The following CLIC5 variants were observed in gnomAD, a reference collection of about 807,000 sequenced individuals.
CLIC5 encodes CLIC family member 5, also known as chloride intracellular channel protein 5.
Under a neutral mutation model 24.7 loss-of-function variants are expected in CLIC5, and 20 were observed. The ratio of observed to expected loss-of-function variants is 0.81; its 90% CI spans 0.57 to 1.18. The LOEUF (loss-of-function observed/expected upper bound fraction) is 1.18, where lower values mean the gene tolerates loss of function less well. Among genes scored for constraint, CLIC5 ranks in the 50% most tolerant of loss-of-function variants. CLIC5 has a pLI of 0.00. For missense variants in CLIC5, 341 were observed against 326.1 expected (o/e 1.05, Z -0.35); for synonymous variants, 159 against 135.6 (o/e 1.17, Z -1.20).
At chr6:45,881,334 A>C in intron 6 of CLIC5, 1 of 393,048 alleles carries the variant, frequency 2.5e-6, no homozygotes, top group Non-Finnish European at 4.5e-6. Context: ...AACAGCATTC[A>C]TAAAGGTAAA....
chr6:45,983,030 A>G (rs956383198), intron 1 of CLIC5, among the ~76,000 whole-genome samples: 15 of 152,228 alleles, frequency 9.9e-5, no homozygotes, highest in Non-Finnish European at 2.1e-4. Flanking sequence ...TGAGCTGCAC[A>G]GGGAAAAGGC....
In CLIC5 at chr6:45,941,606, A is replaced by G; in HGVS notation, c.347T>C (p.Ile116Thr). 6.2e-7 allele frequency: 1 copy of G among 1,613,922 alleles called. No homozygotes were observed. The highest frequency in any genetic ancestry group is 2.2e-5 in the East Asian group (1 of 44,864). The change falls in exon 4 of 6, where the codon ATC becomes ACC. Residue 116 changes from isoleucine (I) to threonine (T), a missense_variant. Transcript: ENST00000339561. ...AKHRESNTAG[I>T]DIFSKFSAYI... ...GGCAGAAAACTTGGAAAAGATGTCG[A>G]TGCCCGCTGTGTTGGATTCCCGGTG...
At chr6:45,925,289 G>A (rs1232921718) in intron 4 of CLIC5, among the ~76,000 whole-genome samples, 1 of 150,542 alleles carries the variant, frequency 6.6e-6, no homozygotes, top group Admixed American at 6.6e-5. Context: ...CATAGGTATT[G>A]CCAACATGCC....
chr6:45,925,447 G>C (rs1228630339), intron 4 of CLIC5, among the ~76,000 whole-genome samples: 1 of 151,792 alleles, frequency 6.6e-6, no homozygotes, highest in Non-Finnish European at 1.5e-5. Context: ...CTCCCAAGTA[G>C]CTGGGACTAC....
chr6:46,036,273 T>C (rs1327156743), intron 1 of CLIC5, among the ~76,000 whole-genome samples: 1 of 152,030 alleles, frequency 6.6e-6, no homozygotes, highest in African/African-American at 2.4e-5. Flanking sequence ...TTCCTTTCAT[T>C]CTTGTCTTGT....
intron 3 of CLIC5, among the ~76,000 whole-genome samples, chr6:45,945,454 T>C (rs1259624734): frequency 2.0e-5 from 3 of 152,140 alleles, no homozygotes; most frequent in African/African-American, 7.2e-5. Context: ...ACATTTTTTT[T>C]GCAGGCCTGG....
chr6:46,001,292 C>T (rs1369197631), intron 1 of CLIC5, among the ~76,000 whole-genome samples: 2 of 152,138 alleles, frequency 1.3e-5, no homozygotes, highest in Non-Finnish European at 2.9e-5. Context: ...CTATCACCTG[C>T]TCTGGAATCT....
At position 45,898,891 on chromosome 6, in the gene CLIC5, T is replaced by G. The variant is rs182866866; in HGVS notation, c.*4197A>C. 6.6e-6 allele frequency: 1 copy of G among 152,480 alleles called. No individual in the cohort carries two copies. Among genetic ancestry groups the G allele is most frequent in the Admixed American group, 6.5e-5 (1 of 15,308 alleles). 9.4% of individuals were successfully genotyped at this position (152,480 alleles called of 1,614,324 possible). On this transcript the variant is annotated 3_prime_UTR_variant, in exon 6 of 6. Transcript: ENST00000339561. The stretch of plus-strand genomic sequence containing the variant: ...AGATGACTGGATCCTTAAAAGTACA[T>G]TTTACCAAAAACAGATTGCTTCTAT...
intron 6 of CLIC5, among the ~76,000 whole-genome samples, chr6:45,884,152 T>C (rs904693319): frequency 6.6e-6 from 1 of 152,192 alleles, no homozygotes; most frequent in Non-Finnish European, 1.5e-5. Context: ...TTGGCTACTC[T>C]TCAACATGTT....
chr6:45,988,415 T>A (rs1056354212), intron 1 of CLIC5, among the ~76,000 whole-genome samples: 5 of 152,166 alleles, frequency 3.3e-5, no homozygotes, highest in Admixed American at 2.6e-4. Context: ...GGGCAATCTA[T>A]TTTTTCTCAG....
chr6:45,937,004 G>A (rs1024024553), intron 4 of CLIC5, among the ~76,000 whole-genome samples: 3 of 152,110 alleles, frequency 2.0e-5, no homozygotes, highest in Non-Finnish European at 2.9e-5. Flanking sequence ...AATTACAGAG[G>A]AGGGGTGAGT....
chr6:46,115,335 AT>A, the CLIC5 span, among the ~76,000 whole-genome samples: 3 of 152,156 alleles, frequency 2.0e-5, no homozygotes, highest in Admixed American at 2.0e-4. Context: ...TGACTTTCCC[AT>A]CTCACCAAAT....
intron 5 of CLIC5, chr6:45,911,713 C>T (rs911576224): frequency 2.0e-6 from 2 of 985,390 alleles, no homozygotes; most frequent in Non-Finnish European, 1.2e-6. Flanking sequence ...ATATATACTT[C>T]TATTGATGTT....
chr6:45,997,495 A>G (rs1416792246), intron 1 of CLIC5, among the ~76,000 whole-genome samples: 2 of 144,998 alleles, frequency 1.4e-5, no homozygotes, highest in South Asian at 2.3e-4. Flanking sequence ...CCTAAAACTT[A>G]AAGTATAATA....
the CLIC5 span, among the ~76,000 whole-genome samples, chr6:46,101,781 G>A: frequency 6.6e-6 from 1 of 152,186 alleles, no homozygotes; most frequent in East Asian, 1.9e-4. Flanking sequence ...AACCTCATAT[G>A]AAGTTTATTT....
intron 1 of CLIC5, among the ~76,000 whole-genome samples, chr6:45,979,339 A>C (rs563073442): frequency 1.3e-5 from 2 of 152,350 alleles, no homozygotes; most frequent in African/African-American, 4.8e-5. Context: ...AGACCCTCTA[A>C]GCATGTCACG....
At chr6:45,908,174 T>C (rs1244673068) in intron 5 of CLIC5, among the ~76,000 whole-genome samples, 1 of 152,196 alleles carries the variant, frequency 6.6e-6, no homozygotes, top group Non-Finnish European at 1.5e-5. Flanking sequence ...TTGTTGTTGT[T>C]AATCTAGCTA....
At chr6:46,107,015 T>C in the CLIC5 span, among the ~76,000 whole-genome samples, 1 of 152,258 alleles carries the variant, frequency 6.6e-6, no homozygotes, top group Non-Finnish European at 1.5e-5. Flanking sequence ...TATGTTTATA[T>C]ATTGTCCCAA....
intron 1 of CLIC5, among the ~76,000 whole-genome samples, chr6:46,036,149 G>A (rs1369784640): frequency 6.6e-6 from 1 of 152,046 alleles, no homozygotes; most frequent in South Asian, 2.1e-4. Context: ...TTCTCTTAAC[G>A]ATCTTTCAAA....
Sources: allele counts gnomAD v4.1 joint callset (sites outside exome capture counted in the v4.1 genomes callset), GRCh38; gene constraint gnomAD v4.1.1; transcripts MANE v1.5; gene names NCBI Gene and HGNC (gene_info 2026-07-23, HGNC 2026-07-21).